SUMF1: variants seen among roughly 807,000 people sequenced by gnomAD.
The protein encoded by SUMF1 is sulfatase modifying factor 1.
Under a neutral mutation model 47.6 loss-of-function variants are expected in SUMF1, and 48 were observed. That is an observed-to-expected ratio of 1.01 (90% CI 0.80 to 1.28). The LOEUF is 1.28. Among genes scored for constraint, SUMF1 ranks in the 50% most tolerant of loss-of-function variants. SUMF1 has a pLI of 0.00. For synonymous variants in SUMF1, 230 were observed against 192.1 expected, an observed-to-expected ratio of 1.20 and a Z score of -1.63; for missense variants, 571 against 485.4, an observed-to-expected ratio of 1.18 and a Z score of -1.66.
intron 9 of SUMF1, among the ~76,000 whole-genome samples, chr3:4,045,731 G>T (rs548520861): frequency 2.0e-5 from 3 of 152,208 alleles, no homozygotes; most frequent in African/African-American, 7.2e-5. Flanking sequence ...TTGGAAGACT[G>T]AGAGAATCAT....
rs369989087 is a variant in SUMF1 at position 4,321,541 on chromosome 3, A to G, written c.1014+54789T>C. Among the ~76,000 whole-genome samples, 19 of 151,898 alleles carry G rather than the reference A, an allele frequency of 1.3e-4. No homozygotes were observed. In the South Asian group the frequency reaches 2.7e-3, roughly 22 times the overall value. ...GATGGGGGTGTCAAAGGAGTATAGA[A>G]ACAAATTGTAAAAGCTCCCAGTGAC... On this transcript the variant is annotated intron_variant and NMD_transcript_variant, in intron 8 of 12. Transcript: ENST00000448413.
intron 3 of SUMF1, among the ~76,000 whole-genome samples, chr3:4,440,070 C>T (rs1244611341): frequency 2.0e-5 from 3 of 151,924 alleles, no homozygotes; most frequent in Admixed American, 6.6e-5. Flanking sequence ...CCCGTCTCTA[C>T]TAAAAATACA....
chr3:4,152,699 A>G (rs1189602490), intron 8 of SUMF1, among the ~76,000 whole-genome samples: 1 of 151,472 alleles, frequency 6.6e-6, no homozygotes, highest in African/African-American at 2.5e-5. Flanking sequence ...CAAACTGTCT[A>G]CACTTGGCTA....
intron 8 of SUMF1, among the ~76,000 whole-genome samples, chr3:4,168,973 C>T (rs1246132543): frequency 1.3e-5 from 2 of 152,188 alleles, no homozygotes; most frequent in Non-Finnish European, 2.9e-5. Flanking sequence ...GGTTAAACCC[C>T]TGCTGATAGC....
At chr3:4,064,958 C>A (rs962383580) in intron 9 of SUMF1, among the ~76,000 whole-genome samples, 4 of 152,102 alleles carry the variant, frequency 2.6e-5, no homozygotes, top group Admixed American at 1.3e-4. Flanking sequence ...AATGGAAGCA[C>A]AGAGGAAGAA....
At chr3:4,289,268 C>T (rs545403840) in intron 8 of SUMF1, among the ~76,000 whole-genome samples, 1 of 152,350 alleles carries the variant, frequency 6.6e-6, no homozygotes, top group East Asian at 1.9e-4. Context: ...CCAAGGATCT[C>T]CTCCTTCTCT....
chr3:4,186,396 G>T (rs1372395454), intron 8 of SUMF1, among the ~76,000 whole-genome samples: 2 of 152,160 alleles, frequency 1.3e-5, no homozygotes, highest in Admixed American at 6.5e-5. Flanking sequence ...ATTATATACA[G>T]AGGAGTAGAG....
chr3:4,067,628 G>C (rs548293803), intron 9 of SUMF1, among the ~76,000 whole-genome samples: 1 of 152,296 alleles, frequency 6.6e-6, no homozygotes, highest in Admixed American at 6.5e-5. Flanking sequence ...TCATCCACCT[G>C]GTTATGGAGA....
At chr3:4,083,829 ACAGG>A (rs1692616944) in intron 8 of SUMF1, among the ~76,000 whole-genome samples, 1 of 149,040 alleles carries the variant, frequency 6.7e-6, no homozygotes, top group Non-Finnish European at 1.5e-5. Context: ...TCGTTGGCAC[ACAGG>A]CATGTCAAAA....
intron 5 of SUMF1, 69 bp downstream of exon 5, chr3:4,417,941 G>A: frequency 6.2e-7 from 1 of 1,611,244 alleles, no homozygotes; most frequent in South Asian, 1.1e-5. Context: ...GTTCCATGGA[G>A]TTTTTTGTTG....
chr3:4,316,672 C>G, intron 8 of SUMF1: 1 of 1,551,072 alleles, frequency 6.4e-7, no homozygotes, highest in Non-Finnish European at 8.7e-7. Flanking sequence ...CGGATTGTGA[C>G]GTGTGATGAA....
At chr3:4,292,038 C>A (rs1327991354) in intron 8 of SUMF1, among the ~76,000 whole-genome samples, 1 of 152,116 alleles carries the variant, frequency 6.6e-6, no homozygotes, top group African/African-American at 2.4e-5. Context: ...CTAAAAAGTA[C>A]AACCAAAGAT....
chr3:4,379,806 C>T (rs1439749733), intron 7 of SUMF1, among the ~76,000 whole-genome samples: 1 of 144,964 alleles, frequency 6.9e-6, no homozygotes, highest in Non-Finnish European at 1.5e-5. Context: ...CGTGCCACCG[C>T]ACTCCAGCCT....
intron 8 of SUMF1, among the ~76,000 whole-genome samples, chr3:4,154,873 T>C (rs1694418417): frequency 6.6e-6 from 1 of 151,562 alleles, no homozygotes; most frequent in South Asian, 2.1e-4. Flanking sequence ...TTTTTTGATA[T>C]ATGACTGCAA....
Position 4,376,364 on chromosome 3 carries a change from C to G in SUMF1, c.980G>C (p.Arg327Pro). The G allele has an allele frequency of 6.2e-7, 1 of 1,614,150 alleles. No individual in the cohort carries two copies. Among genetic ancestry groups the G allele is most frequent in the Non-Finnish European group, 8.5e-7 (1 of 1,179,986 alleles). ...CATGTAGGATCCACCTTTCTTCACTCGGTCTTTCCCAGAAGGGGGACCTTT... is the reference window on the plus strand; with the variant it reads ...CATGTAGGATCCACCTTTCTTCACTGGGTCTTTCCCAGAAGGGGGACCTTT... ...NPKGPPSGKDRVKKGGSYMCH... is the reference protein window; with the variant it reads ...NPKGPPSGKDPVKKGGSYMCH... Residue 327 changes from arginine (R) to proline (P), a missense_variant, in exon 8 of 9, where the codon CGA becomes CCA. By Grantham distance (103) the Arg-to-Pro change is moderately radical (BLOSUM62 -2). Transcript: ENST00000272902.
intron 8 of SUMF1, among the ~76,000 whole-genome samples, chr3:4,287,292 TA>T (rs2125051402): frequency 6.6e-6 from 1 of 151,952 alleles, no homozygotes; most frequent in South Asian, 2.1e-4. Context: ...AATAAGAAAA[TA>T]ACCTTTCAGA....
intron 8 of SUMF1, among the ~76,000 whole-genome samples, chr3:4,108,405 T>C (rs1693207902): frequency 1.3e-5 from 2 of 152,090 alleles, no homozygotes; most frequent in African/African-American, 4.8e-5. Context: ...TTCTGTTGAT[T>C]TGGGGTGGAG....
intron 7 of SUMF1, among the ~76,000 whole-genome samples, chr3:4,379,910 C>T (rs1282912281): frequency 2.0e-5 from 3 of 150,668 alleles, no homozygotes; most frequent in Non-Finnish European, 4.4e-5. Flanking sequence ...GCAGATTAAT[C>T]CAGAGAGTTG....
At chr3:4,085,010 A>G (rs1005224092) in intron 8 of SUMF1, among the ~76,000 whole-genome samples, 1 of 152,082 alleles carries the variant, frequency 6.6e-6, no homozygotes, top group African/African-American at 2.4e-5. Context: ...TATTCAGGAA[A>G]TAGATGATGT....
Sources: allele counts gnomAD v4.1 joint callset (sites outside exome capture counted in the v4.1 genomes callset), GRCh38; gene constraint gnomAD v4.1.1; transcripts MANE v1.5; gene names NCBI Gene and HGNC (gene_info 2026-07-23, HGNC 2026-07-21).